Variants in ABCA13 observed in about 807,000 individuals in gnomAD.
The protein encoded by ABCA13 is ATP binding cassette subfamily A member 13.
In ABCA13, 476 loss-of-function variants were observed where a neutral mutation model predicts 478.7. The observed-to-expected ratio is 0.99, with a 90% CI of 0.92 to 1.07. ABCA13 has a LOEUF of 1.07. ABCA13 is among the 50% of genes least tolerant of loss of function. The probability of loss-of-function intolerance (pLI) is 0.00; values close to 1 mark genes in which losing one functional copy is unlikely to be tolerated. For synonymous variants in ABCA13, 2,252 were observed against 2,158.9 expected, an observed-to-expected ratio of 1.04 and a Z score of -1.20; for missense variants, 6,060 against 5,910.6, an observed-to-expected ratio of 1.03 and a Z score of -0.83.
chr7:48,212,427 T>G (rs1173062519), intron 3 of ABCA13, among the ~76,000 whole-genome samples: 1 of 152,226 alleles, frequency 6.6e-6, no homozygotes, highest in African/African-American at 2.4e-5. Context: ...GGACAAATAT[T>G]TTAATTTTTC....
chr7:48,609,523 G>C (rs1013596462), intron 58 of ABCA13, among the ~76,000 whole-genome samples: 3 of 151,888 alleles, frequency 2.0e-5, no homozygotes, highest in Non-Finnish European at 2.9e-5. Flanking sequence ...AGGGAATCTT[G>C]GTAAAGCATG....
In ABCA13 at chr7:48,314,295, G is replaced by A; in HGVS notation, c.9745G>A (p.Val3249Ile). Residue 3249 changes from valine (V) to isoleucine (I), a missense_variant, in exon 26 of 62, where the codon GTT becomes ATT. Coordinates refer to ENST00000435803, the MANE Select transcript of ABCA13 (RefSeq NM_152701.5). ...FGSFQFVMKM[V>I]CKDQASFLSD... The stretch of plus-strand genomic sequence containing the variant: ...TTCTTTCCAGTTTGTGATGAAGATG[G>A]TTTGCAAGGACCAAGCATCATTCCT... 1.9e-6 allele frequency: 3 copies of A among 1,613,776 alleles called. No homozygotes were observed. The highest frequency in any genetic ancestry group is 2.5e-6 in the Non-Finnish European group (3 of 1,179,846).
chr7:48,334,180 C>T lies in ABCA13; in HGVS notation c.10000-1242C>T, dbSNP rs73097190. On this transcript the variant is annotated intron_variant, in intron 27 of 61. Coordinates refer to ENST00000435803, the MANE Select transcript of ABCA13 (RefSeq NM_152701.5). ...TTTTAAAGATTTTACAGATCTTCTACATGTGTTGCATTAATAATGTTATTC... is the reference window on the plus strand; with the variant it reads ...TTTTAAAGATTTTACAGATCTTCTATATGTGTTGCATTAATAATGTTATTC... Among the ~76,000 whole-genome samples the T allele has an allele frequency of 7.6e-3, 1,160 of 152,268 alleles. 2 individuals are homozygous for T. Among genetic ancestry groups the T allele is most frequent in the Non-Finnish European group, 0.013 (880 of 68,028 alleles).
chr7:48,610,175 A>G (rs547331957), intron 58 of ABCA13, among the ~76,000 whole-genome samples: 74 of 152,342 alleles, frequency 4.9e-4, no homozygotes, highest in African/African-American at 1.5e-3. Flanking sequence ...AGATACAATG[A>G]GAGTACAGAC....
intron 45 of ABCA13, among the ~76,000 whole-genome samples, chr7:48,476,896 C>T (rs1828156720): frequency 6.6e-6 from 1 of 152,112 alleles, no homozygotes; most frequent in South Asian, 2.1e-4. Context: ...TATCTCAGAG[C>T]TACATCTTGA....
chr7:48,176,754 T>C (rs1447227212), intron 1 of ABCA13, among the ~76,000 whole-genome samples: 1 of 152,144 alleles, frequency 6.6e-6, no homozygotes, highest in African/African-American at 2.4e-5. Flanking sequence ...AGATCTACCC[T>C]GGGGCTAGGT....
chr7:48,346,040 T>C (rs1332788266), intron 29 of ABCA13, among the ~76,000 whole-genome samples: 1 of 152,220 alleles, frequency 6.6e-6, no homozygotes, highest in African/African-American at 2.4e-5. Context: ...TGCAGGTTTG[T>C]AGCCTAGGAG....
chr7:48,453,759 T>C (rs1825327722), intron 42 of ABCA13, among the ~76,000 whole-genome samples: 1 of 152,204 alleles, frequency 6.6e-6, no homozygotes, highest in African/African-American at 2.4e-5. Flanking sequence ...TGGTACCGAC[T>C]CTTTCCAGCC....
chr7:48,513,980 C>T (rs759860264), intron 51 of ABCA13, among the ~76,000 whole-genome samples: 12 of 152,116 alleles, frequency 7.9e-5, no homozygotes, highest in Non-Finnish European at 1.8e-4. Context: ...TTAAATAATG[C>T]TTTGATCCAC....
Position 48,279,773 on chromosome 7 carries a change from A to C in ABCA13, c.8579A>C (p.Asn2860Thr), listed in dbSNP as rs531585897. 6 of 1,608,608 alleles carry C rather than the reference A, an allele frequency of 3.7e-6. No individual in the cohort carries two copies. The Admixed American group carries it at 1.0e-4, about 27-fold the overall frequency. Reference protein sequence around the residue: ...EIFIKATTGKNVTSEKEERTK... With the variant: ...EIFIKATTGKTVTSEKEERTK... ...TTCATTAAAGCAACCACCGGAAAGA[A>C]TGTCACATCAGAAAAAGAAGAGAGA... Residue 2860 changes from asparagine (N) to threonine (T), a missense_variant, in exon 18 of 62, where the codon AAT (asparagine) becomes ACT (threonine). Coordinates refer to ENST00000435803, the MANE Select transcript of ABCA13 (RefSeq NM_152701.5).
In ABCA13 at chr7:48,308,680, T is replaced by G. The variant is rs191224926; in HGVS notation, c.9322-1267T>G. 4.6e-5 allele frequency among the ~76,000 whole-genome samples: 7 copies of G among 152,214 alleles called. 2 individuals are homozygous for G. Among genetic ancestry groups the G allele is most frequent in the African/African-American group, 1.7e-4 (7 of 41,534 alleles). On this transcript the variant is annotated intron_variant, in intron 23 of 61. Transcript: ENST00000435803. ...CCACCGTATATGTGGTTTGTCATCATGTACCAGATAGCGATATTTTGGTCA... is the reference window on the plus strand; with the variant it reads ...CCACCGTATATGTGGTTTGTCATCAGGTACCAGATAGCGATATTTTGGTCA...
At chr7:48,329,459 A>G (rs1804862303) in intron 27 of ABCA13, among the ~76,000 whole-genome samples, 2 of 152,144 alleles carry the variant, frequency 1.3e-5, no homozygotes, top group African/African-American at 4.8e-5. Flanking sequence ...TGTGCCCTCT[A>G]AATGCCCTGT....
At chr7:48,321,771 G>T (rs1402007876) in intron 27 of ABCA13, among the ~76,000 whole-genome samples, 1 of 152,192 alleles carries the variant, frequency 6.6e-6, no homozygotes, top group Non-Finnish European at 1.5e-5. Flanking sequence ...AGGAGCCGAG[G>T]TGAGAAGGAA....
intron 59 of ABCA13, among the ~76,000 whole-genome samples, chr7:48,632,609 G>A (rs1415955001): frequency 6.6e-6 from 1 of 151,956 alleles, no homozygotes; most frequent in African/African-American, 2.4e-5. Context: ...TGTGTGTGAG[G>A]TAGGGTCCCA....
rs1014558849 is a variant in ABCA13 at position 48,326,807 on chromosome 7, G to A, written c.10000-8615G>A. On this transcript the variant is annotated intron_variant, in intron 27 of 61. Transcript: ENST00000435803. ...CTGCTTGTGGTATGAAGGAGATGTG[G>A]AGTCCCAGTGACAAGGGCATGGGGA... Among the ~76,000 whole-genome samples, 9 of 152,276 alleles carry A rather than the reference G, an allele frequency of 5.9e-5. No individual in the cohort carries two copies. In the East Asian group the frequency reaches 1.7e-3, roughly 29 times the overall value.
intron 55 of ABCA13, among the ~76,000 whole-genome samples, chr7:48,562,203 A>G (rs1786539384): frequency 6.6e-6 from 1 of 150,970 alleles, no homozygotes; most frequent in South Asian, 2.1e-4. Flanking sequence ...TGCAGTTGTG[A>G]TAGTTTTTGG....
Position 48,272,893 on chromosome 7 carries a change from G to T in ABCA13, c.3227G>T (p.Arg1076Leu). 1 of 1,609,750 alleles carries T rather than the reference G, an allele frequency of 6.2e-7. No homozygotes were observed. Among genetic ancestry groups the T allele is most frequent in the Non-Finnish European group, 8.5e-7 (1 of 1,177,484 alleles). ...KQLLIIDEDF[R>L]ISLFQYMSQF... ...CTGCTCATAATTGATGAAGATTTTC[G>T]TATTTCTTTATTTCAATATATGAGC... is the stretch of plus-strand genomic sequence containing the variant. Residue 1076 changes from arginine (R) to leucine (L), a missense_variant, in exon 17 of 62, where the codon CGT becomes CTT. Arg to Leu is a moderately radical substitution (Grantham distance 102). Transcript: ENST00000435803.
intron 3 of ABCA13, 102 bp from the exon 4 acceptor site, chr7:48,219,252 C>T (rs994018556): frequency 7.9e-7 from 1 of 1,271,848 alleles, no homozygotes; most frequent in Non-Finnish European, 1.1e-6. Flanking sequence ...TAAGTTGGTA[C>T]AAGTTTAATT....
chr7:48,427,368 T>A (rs1821573398), intron 41 of ABCA13, among the ~76,000 whole-genome samples: 1 of 152,236 alleles, frequency 6.6e-6, no homozygotes, highest in Admixed American at 6.5e-5. Flanking sequence ...CTACTGTAAG[T>A]AAACTGAGCA....
Sources: gnomAD v4.1 joint callset for allele counts (sites outside exome capture counted in the v4.1 genomes callset) on GRCh38, gnomAD v4.1.1 for gene constraint, MANE v1.5 for transcripts, NCBI Gene and HGNC (gene_info 2026-07-23, HGNC 2026-07-21) for gene names.